The following DOCK4 variants were observed in gnomAD, a reference collection of about 807,000 sequenced individuals.
DOCK4 encodes dedicator of cytokinesis 4.
In DOCK4, 97 loss-of-function variants were observed where a neutral mutation model predicts 268.1. The observed-to-expected ratio is 0.36, with a 90% CI of 0.31 to 0.43. The LOEUF is 0.43. DOCK4 is among the 20% of genes least tolerant of loss of function. The pLI is 1.00. For synonymous variants in DOCK4, 954 were observed against 887.2 expected (o/e 1.08, Z -1.34); for missense variants, 2,145 against 2,455.7 (o/e 0.87, Z 2.67).
chr7:111,859,955 T>C (rs1159423614), intron 23 of DOCK4, among the ~76,000 whole-genome samples: 1 of 152,214 alleles, frequency 6.6e-6, no homozygotes, highest in South Asian at 2.1e-4. Flanking sequence ...CCCTCTTTTA[T>C]TATAGATCTT....
In DOCK4 at chr7:112,067,605, G is replaced by A. The variant is rs539023592; in HGVS notation, c.38-63474C>T. On this transcript the variant is annotated intron_variant, in intron 1 of 52. Transcript: ENST00000428084. ...AATGTAAATGTCACAGTAAAGTACTGGGGCTGCTGCCTGCTTGGAAGCAGC... is the reference window on the plus strand; with the variant it reads ...AATGTAAATGTCACAGTAAAGTACTAGGGCTGCTGCCTGCTTGGAAGCAGC... 3.3e-5 allele frequency among the ~76,000 whole-genome samples: 5 copies of A among 152,282 alleles called. No homozygotes were observed. In the East Asian group the frequency reaches 5.8e-4, roughly 18 times the overall value.
chr7:112,084,489 G>A (rs1808884545), intron 1 of DOCK4, among the ~76,000 whole-genome samples: 1 of 152,124 alleles, frequency 6.6e-6, no homozygotes, highest in Admixed American at 6.6e-5. Context: ...AAGGGAATGA[G>A]CATTTTCTTT....
At chr7:112,163,412 T>G (rs1586952259) in intron 1 of DOCK4, among the ~76,000 whole-genome samples, 2 of 152,114 alleles carry the variant, frequency 1.3e-5, no homozygotes, top group Admixed American at 6.5e-5. Context: ...TCCTTTCTCA[T>G]AGCTAACTGA....
intron 1 of DOCK4, among the ~76,000 whole-genome samples, chr7:112,090,783 G>C (rs553472089): frequency 6.6e-6 from 1 of 152,280 alleles, no homozygotes; most frequent in South Asian, 2.1e-4. Flanking sequence ...GGCAAACTGT[G>C]ACCATTGAGA....
intron 1 of DOCK4, among the ~76,000 whole-genome samples, chr7:112,147,128 A>C (rs745755309): frequency 2.6e-5 from 4 of 152,114 alleles, no homozygotes; most frequent in Admixed American, 1.3e-4. Context: ...TTATATAATA[A>C]TGTTTATAGA....
At chr7:111,811,848 G>A in intron 28 of DOCK4, 26 bp downstream of exon 28, 3 of 1,317,530 alleles carry the variant, frequency 2.3e-6, no homozygotes, top group Non-Finnish European at 3.2e-6. Context: ...AGCCCAAGCA[G>A]GAGAGTCATA....
intron 8 of DOCK4, among the ~76,000 whole-genome samples, chr7:111,974,869 T>C (rs1268890014): frequency 6.6e-6 from 1 of 152,250 alleles, no homozygotes; most frequent in Non-Finnish European, 1.5e-5. Context: ...AAAATGTTTA[T>C]AATGAGATGA....
At chr7:112,084,464 T>C (rs1808881050) in intron 1 of DOCK4, among the ~76,000 whole-genome samples, 1 of 152,124 alleles carries the variant, frequency 6.6e-6, no homozygotes, top group African/African-American at 2.4e-5. Context: ...ATCTTAGAAG[T>C]TGTGTGTCCA....
intron 5 of DOCK4, among the ~76,000 whole-genome samples, chr7:111,992,935 A>C (rs1799651391): frequency 6.6e-6 from 1 of 152,250 alleles, no homozygotes; most frequent in African/African-American, 2.4e-5. Context: ...AAAATTTAAA[A>C]AGGAGATCTG....
At chr7:111,747,562 A>C in intron 42 of DOCK4, 119 bp from the exon 43 acceptor site, 1 of 942,414 alleles carries the variant, frequency 1.1e-6, no homozygotes. Context: ...CAATATCTCT[A>C]CCAGGGGCCA....
intron 26 of DOCK4, among the ~76,000 whole-genome samples, chr7:111,833,414 T>C (rs968207793): frequency 2.6e-5 from 4 of 152,052 alleles, no homozygotes; most frequent in Admixed American, 2.6e-4. Flanking sequence ...TGTGGTAGCA[T>C]GTGCCTGTAG....
intron 37 of DOCK4, among the ~76,000 whole-genome samples, 195 bp from the exon 38 acceptor site, chr7:111,767,313 G>A (rs1351462096): frequency 1.4e-5 from 2 of 144,692 alleles, no homozygotes; most frequent in Admixed American, 7.1e-5. Flanking sequence ...TGCAACCTCC[G>A]CCTCCCTAGT....
intron 12 of DOCK4, among the ~76,000 whole-genome samples, chr7:111,919,785 A>T (rs1035183814): frequency 3.9e-5 from 6 of 152,258 alleles, no homozygotes; most frequent in Non-Finnish European, 5.9e-5. Flanking sequence ...AAACCACAAC[A>T]TATGACTAAG....
At chr7:111,864,557 C>A (rs940090978) in intron 22 of DOCK4, among the ~76,000 whole-genome samples, 1 of 152,144 alleles carries the variant, frequency 6.6e-6, no homozygotes, top group Non-Finnish European at 1.5e-5. Context: ...CTCACTCAAA[C>A]TCAAATTTAA....
intron 1 of DOCK4, among the ~76,000 whole-genome samples, chr7:112,015,727 T>C (rs1801755775): frequency 6.6e-6 from 1 of 152,260 alleles, no homozygotes; most frequent in African/African-American, 2.4e-5. Context: ...TTAGTCCATT[T>C]TGTGCTGCTG....
intron 36 of DOCK4, among the ~76,000 whole-genome samples, chr7:111,777,831 G>A (rs1001100732): frequency 5.3e-5 from 8 of 152,088 alleles, no homozygotes; most frequent in South Asian, 2.1e-4. Flanking sequence ...CTTGTCTGCC[G>A]CCATGTAAGA....
chr7:111,793,042 A>G (rs1313535006), intron 30 of DOCK4, among the ~76,000 whole-genome samples: 1 of 152,218 alleles, frequency 6.6e-6, no homozygotes, highest in Non-Finnish European at 1.5e-5. Flanking sequence ...CTCATGTATT[A>G]TATTTTCCTT....
At chr7:111,830,513 C>T (rs953090374) in intron 26 of DOCK4, among the ~76,000 whole-genome samples, 1 of 152,112 alleles carries the variant, frequency 6.6e-6, no homozygotes, top group African/African-American at 2.4e-5. Context: ...GCATTCACTC[C>T]AGTTATTTCT....
intron 1 of DOCK4, among the ~76,000 whole-genome samples, chr7:112,035,806 C>G (rs141439499): frequency 5.6e-4 from 85 of 152,066 alleles, no homozygotes; most frequent in Admixed American, 9.8e-4. Context: ...AAAAAGCTCT[C>G]CAGAATAAAG....
Sources: allele counts gnomAD v4.1 joint callset (sites outside exome capture counted in the v4.1 genomes callset), GRCh38; gene constraint gnomAD v4.1.1; transcripts MANE v1.5; gene names NCBI Gene and HGNC (gene_info 2026-07-23, HGNC 2026-07-21).